Variants in NEDD4 observed in about 807,000 individuals in gnomAD.
The protein encoded by NEDD4 is NEDD4 E3 ubiquitin protein ligase.
Under a neutral mutation model 144.9 loss-of-function variants are expected in NEDD4, and 99 were observed. The observed-to-expected ratio is 0.68, with a 90% confidence interval of 0.58 to 0.81. The LOEUF (loss-of-function observed/expected upper bound fraction) is 0.81. Ranked by LOEUF, NEDD4 falls within the 30% of genes least tolerant of loss-of-function variation. NEDD4 has a pLI of 0.00. For synonymous variants in NEDD4, 318 were observed against 350.6 expected, an observed-to-expected ratio of 0.91 and a Z score of 1.04; for missense variants, 985 against 1,065.9, an observed-to-expected ratio of 0.92 and a Z score of 1.06.
chr15:55,865,703 C>T (rs565210661), intron 8 of NEDD4, among the ~76,000 whole-genome samples: 24 of 152,138 alleles, frequency 1.6e-4, no homozygotes, highest in African/African-American at 5.5e-4. Context: ...GGACGGCTTC[C>T]AAGATGGAAG....
In NEDD4 at chr15:55,881,934, G is replaced by A. The variant is rs11637342; in HGVS notation, c.292-7926C>T. ...CTACCCACTTGTGTCAGTAGTACCC[G>A]CCCTCCAGTTATAACAACCAAAAAC... On this transcript the variant is annotated intron_variant, in intron 5 of 28. Coordinates refer to ENST00000435532, the MANE Select transcript of NEDD4 (RefSeq NM_006154.4). 2.8e-3 allele frequency among the ~76,000 whole-genome samples: 423 copies of A among 152,168 alleles called. 1 individual carries two copies. Among genetic ancestry groups the A allele is most frequent in the Non-Finnish European group, 1.3e-3 (86 of 67,998 alleles).
rs2035817395 is a variant in NEDD4 at position 55,898,703 on chromosome 15, G to T, written c.292-24695C>A. On this transcript the variant is annotated intron_variant, in intron 5 of 28. Transcript: ENST00000435532. ...CCAGGCTAAATACAGTGGCACAATC[G>T]TAGCTCAATGCAACTTGGACTCCTG... Among the ~76,000 whole-genome samples the T allele has an allele frequency of 5.7e-5, 8 of 140,820 alleles. 1 individual carries two copies. The South Asian group carries it at 1.8e-3, about 31-fold the overall frequency. The allele number at this position is 140,820 out of a possible 152,430, so 92.4% of individuals were successfully genotyped here.
chr15:55,961,074 AT>A (rs2037417855), intron 2 of NEDD4, among the ~76,000 whole-genome samples: 1 of 152,174 alleles, frequency 6.6e-6, no homozygotes, highest in South Asian at 2.1e-4. Flanking sequence ...GCTATCTGCT[AT>A]TTTGGTAGGA....
chr15:55,921,497 G>A (rs1394554899), intron 5 of NEDD4, among the ~76,000 whole-genome samples: 1 of 151,914 alleles, frequency 6.6e-6, no homozygotes, highest in Non-Finnish European at 1.5e-5. Flanking sequence ...GCTAAATTTT[G>A]TATTTTTAGT....
intron 5 of NEDD4, 27 bp downstream of exon 5, chr15:55,924,619 A>C: frequency 6.3e-7 from 1 of 1,588,506 alleles, no homozygotes; most frequent in Non-Finnish European, 8.6e-7. Flanking sequence ...CTTACTTCAT[A>C]TTTCATATAA....
intron 5 of NEDD4, among the ~76,000 whole-genome samples, chr15:55,888,914 T>C (rs62043803): frequency 0.14 from 21,705 of 152,084 alleles, 1,671 homozygotes; most frequent in East Asian, 0.36. Flanking sequence ...AGAAACAAAC[T>C]AGACTCCTAT....
At chr15:55,883,093 T>G (rs1439708762) in intron 5 of NEDD4, among the ~76,000 whole-genome samples, 1 of 152,174 alleles carries the variant, frequency 6.6e-6, no homozygotes, top group Non-Finnish European at 1.5e-5. Flanking sequence ...TTGGGGTCCT[T>G]GATGCCAAGG....
chr15:55,991,884 T>C (rs2037994331), intron 1 of NEDD4: 1 of 152,238 alleles, frequency 6.6e-6, no homozygotes, highest in African/African-American at 2.4e-5. Context: ...TTAAAAACAC[T>C]GATCATGTAC....
chr15:55,903,364 A>G (rs1282230999), intron 5 of NEDD4, among the ~76,000 whole-genome samples: 1 of 152,190 alleles, frequency 6.6e-6, no homozygotes, highest in Non-Finnish European at 1.5e-5. Context: ...TTGAAGTATG[A>G]CATTTGCTAG....
intron 5 of NEDD4, chr15:55,915,702 GAA>G: frequency 6.2e-7 from 1 of 1,613,952 alleles, no homozygotes; most frequent in Non-Finnish European, 8.5e-7. Context: ...GAAATGCACT[GAA>G]ACACAAGAAT....
At chr15:55,894,473 A>G (rs2035675886) in intron 5 of NEDD4, among the ~76,000 whole-genome samples, 2 of 152,116 alleles carry the variant, frequency 1.3e-5, no homozygotes, top group African/African-American at 4.8e-5. Flanking sequence ...ACCAAGAGAC[A>G]CCGGTACTTG....
At chr15:55,927,212 T>C (rs183361262) in intron 4 of NEDD4, among the ~76,000 whole-genome samples, 5 of 150,732 alleles carry the variant, frequency 3.3e-5, no homozygotes, top group South Asian at 2.1e-4. Flanking sequence ...AGAATTTAAA[T>C]GAGAAGGTAT....
chr15:55,869,999 T>G (rs1320449068), intron 7 of NEDD4, among the ~76,000 whole-genome samples: 4 of 152,064 alleles, frequency 2.6e-5, no homozygotes, highest in African/African-American at 9.7e-5. Flanking sequence ...TGGGGAGGAT[T>G]CTTACCTGTG....
rs114535376 is a variant in NEDD4 at position 55,905,465 on chromosome 15, T to C, written c.291+19181A>G. Among the ~76,000 whole-genome samples the C allele has an allele frequency of 2.9e-3, 446 of 152,184 alleles. 3 individuals carry two copies. The highest frequency in any genetic ancestry group is 0.01 in the African/African-American group (421 of 41,506). ...CTTACTCTCAAATATCAACAACAGA[T>C]ATCTGGAGGGAAATGTCCAGTATTA... On this transcript the variant is annotated intron_variant, in intron 5 of 28. Coordinates refer to ENST00000435532, the MANE Select transcript of NEDD4 (RefSeq NM_006154.4).
At chr15:55,926,608 T>G (rs2036670237) in intron 4 of NEDD4, among the ~76,000 whole-genome samples, 1 of 148,484 alleles carries the variant, frequency 6.7e-6, no homozygotes, top group Non-Finnish European at 1.5e-5. Flanking sequence ...TCTACAAAAA[T>G]AACAAAAATT....
At chr15:55,979,342 T>C (rs1325303508) in intron 1 of NEDD4, among the ~76,000 whole-genome samples, 37 of 59,694 alleles carry the variant, frequency 6.2e-4, no homozygotes, top group South Asian at 5.4e-3. Context: ...TTTACCTCTT[T>C]TTTTTTTTTT....
chr15:55,966,368 C>T (rs1472788762), intron 2 of NEDD4, 105 bp downstream of exon 2: 4 of 670,874 alleles, frequency 6.0e-6, no homozygotes, highest in Non-Finnish European at 1.0e-5. Context: ...ATACTTTCCA[C>T]AACAATTTAC....
chr15:55,942,612 A>C, intron 4 of NEDD4, among the ~76,000 whole-genome samples: 1 of 152,146 alleles, frequency 6.6e-6, no homozygotes, highest in East Asian at 1.9e-4. Context: ...CCCCTCATCC[A>C]GGCTTCCTGT....
chr15:55,852,537 G>A lies in NEDD4; in HGVS notation c.1033C>T (p.Pro345Ser), dbSNP rs1186878394. 6.2e-7 allele frequency: 1 copy of A among 1,612,482 alleles called. No individual in the cohort carries two copies. The highest frequency in any genetic ancestry group is 1.3e-5 in the African/African-American group (1 of 74,724). ...EEQPTLPVLL[P>S]TSSGLPPGWE... is the part of the protein sequence containing the mutation. ...CCTGGTGGTAATCCAGATGAAGTAGGCAAAAGCTAAAGTGAAGAATAACAG... is the reference window on the plus strand; with the variant it reads ...CCTGGTGGTAATCCAGATGAAGTAGACAAAAGCTAAAGTGAAGAATAACAG... Residue 345 changes from proline to serine, a missense_variant, in exon 13 of 29, where the codon CCT (proline) becomes TCT (serine). By Grantham distance (74) the Pro-to-Ser change is moderately conservative (BLOSUM62 -1). Coordinates refer to ENST00000435532, the MANE Select transcript of NEDD4 (RefSeq NM_006154.4).
Sources: allele counts gnomAD v4.1 joint callset (sites outside exome capture counted in the v4.1 genomes callset), GRCh38; gene constraint gnomAD v4.1.1; transcripts MANE v1.5; gene names NCBI Gene and HGNC (gene_info 2026-07-23, HGNC 2026-07-21).